The following ZNF556 variants were observed in gnomAD, a reference collection of about 807,000 sequenced individuals.
The protein encoded by ZNF556 is zinc finger protein 556.
Under a neutral mutation model 13.6 loss-of-function variants are expected in ZNF556, and 11 were observed. The ratio of observed to expected loss-of-function variants is 0.81; its 90% CI spans 0.51 to 1.33. ZNF556 has a LOEUF of 1.33. Ranked by LOEUF, ZNF556 falls within the 40% of genes most tolerant of loss-of-function variation. The pLI is 0.00. For missense variants in ZNF556, 633 were observed against 566.2 expected (o/e 1.12, Z -1.20); for synonymous variants, 229 against 207.8 (o/e 1.10, Z -0.88).
intron 1 of ZNF556, among the ~76,000 whole-genome samples, chr19:2,869,308 T>C (rs1482858797): frequency 6.6e-6 from 1 of 152,218 alleles, no homozygotes; most frequent in African/African-American, 2.4e-5. Context: ...TCCTTGATTC[T>C]TCCTGCTCTG....
At chr19:2,877,095 C>G (rs2087858341) in intron 3 of ZNF556, among the ~76,000 whole-genome samples, 178 bp from the exon 4 acceptor site, 1 of 151,880 alleles carries the variant, frequency 6.6e-6, no homozygotes. Context: ...TGACTGTAAT[C>G]CCAGCTGCTC....
rs1299714683 is a variant in ZNF556 at position 2,881,758 on chromosome 19, T to C, written c.*3429T>C. On this transcript the variant is annotated 3_prime_UTR_variant, in exon 4 of 4. Coordinates refer to ENST00000307635, the MANE Select transcript of ZNF556 (RefSeq NM_024967.3). ...ATGTCTTAAATACTATTTCTTTTTT[T>C]TTAATACTATTTCAAGAACTGCTCA... 1 of 152,034 alleles carries C rather than the reference T, an allele frequency of 6.6e-6. No individual in the cohort carries two copies. The highest frequency in any genetic ancestry group is 1.5e-5 in the Non-Finnish European group (1 of 68,020). The allele number at this position is 152,034 out of a possible 1,614,324, so 9.4% of individuals were successfully genotyped here. A position where few individuals can be genotyped will look rare whatever the true frequency, so the allele number is the denominator to read the frequency against.
In ZNF556 at chr19:2,880,268, G is replaced by A. The variant is rs1236514933; in HGVS notation, c.*1939G>A. ...ATGTATTATTAAAACAAAAGTTTCTGTTTCTGAGAAATATCTATTTACTGT... is the reference window on the plus strand; with the variant it reads ...ATGTATTATTAAAACAAAAGTTTCTATTTCTGAGAAATATCTATTTACTGT... On this transcript the variant is annotated 3_prime_UTR_variant, in exon 4 of 4. Transcript: ENST00000307635. 2 of 152,094 alleles carry A rather than the reference G, an allele frequency of 1.3e-5. No homozygotes were observed. The highest frequency in any genetic ancestry group is 2.9e-5 in the Non-Finnish European group (2 of 68,004). 9.4% of individuals were successfully genotyped at this position (152,094 alleles called of 1,614,324 possible).
rs757145307 is a variant in ZNF556, at chr19:2,877,889, G to A, written c.931G>A (p.Gly311Arg). The change falls in exon 4 of 4, where the codon GGG becomes AGG. Residue 311 changes from glycine (G) to arginine (R), a missense_variant. Transcript: ENST00000307635. ...SFQRHVRIHNGEKPYKCGKCG... is the reference protein window; with the variant it reads ...SFQRHVRIHNREKPYKCGKCG... The stretch of plus-strand genomic sequence containing the variant: ...TCAACGACACGTGAGAATTCACAAC[G>A]GGGAGAAACCCTATAAGTGTGGAAA... The A allele has an allele frequency of 1.7e-5, 28 of 1,614,054 alleles. 1 individual carries two copies. The highest frequency in any genetic ancestry group is 5.5e-5 in the South Asian group (5 of 91,086).
At chr19:2,876,977 C>T (rs1391432134) in intron 3 of ZNF556, among the ~76,000 whole-genome samples, 2 of 152,004 alleles carry the variant, frequency 1.3e-5, no homozygotes, top group African/African-American at 2.4e-5. Context: ...CTTTGAGAGG[C>T]CAAGGTAGGT....
rs756551116 is a variant in ZNF556 at position 2,873,536 on chromosome 19, T to G, written c.44T>G (p.Leu15Arg). Reference sequence around the variant, plus strand: ...GAAGACGTGGTTGTGGATTTCACGCTGGAGGAGTGGGCCTTGCTGAATCCT... The same window carrying G: ...GAAGACGTGGTTGTGGATTTCACGCGGGAGGAGTGGGCCTTGCTGAATCCT... Reference protein sequence around the residue: ...VFEDVVVDFTLEEWALLNPAQ... With the variant: ...VFEDVVVDFTREEWALLNPAQ... Residue 15 changes from leucine (L) to arginine (R), a missense_variant, in exon 2 of 4, where the codon CTG (leucine) becomes CGG (arginine). Coordinates refer to ENST00000307635, the MANE Select transcript of ZNF556 (RefSeq NM_024967.3). The G allele has an allele frequency of 2.5e-6, 4 of 1,614,226 alleles. No homozygotes were observed. The East Asian group carries it at 8.9e-5, about 36-fold the overall frequency.
chr19:2,876,074 G>T lies in ZNF556; in HGVS notation c.131-19G>T. On this transcript the variant is annotated intron_variant, in intron 2 of 3. Coordinates refer to ENST00000307635, the MANE Select transcript of ZNF556 (RefSeq NM_024967.3). ...TGCAGATGCCTTCCTCATCATATTG[G>T]TTCACTTTTTTGTTTCAGATAATGA... 3 of 1,589,654 alleles carry T rather than the reference G, an allele frequency of 1.9e-6. No individual in the cohort carries two copies. Among genetic ancestry groups the T allele is most frequent in the Non-Finnish European group, 2.6e-6 (3 of 1,173,196 alleles).
chr19:2,867,724 CA>C (rs780342260), intron 1 of ZNF556, among the ~76,000 whole-genome samples: 6,972 of 134,314 alleles, frequency 0.052, 651 homozygotes, highest in African/African-American at 0.18. Context: ...AAAAACAAAA[CA>C]AAAAAAAAAA....
chr19:2,867,542 C>A (rs2087766262), intron 1 of ZNF556, 118 bp downstream of exon 1: 1 of 1,415,832 alleles, frequency 7.1e-7, no homozygotes, highest in Middle Eastern at 2.3e-4. Context: ...CAGCCTCTGT[C>A]CCTGTGTCAC....
intron 2 of ZNF556, among the ~76,000 whole-genome samples, chr19:2,874,743 C>CAAAAAAAAAAA (rs1165214161): frequency 1.5e-5 from 1 of 65,508 alleles, no homozygotes; most frequent in African/African-American, 5.3e-5. Flanking sequence ...GACTCTGTCT[C>CAAAAAAAAAAA]AAAAAAAAAA....
At position 2,882,898 on chromosome 19, in the gene ZNF556, A is replaced by G. The variant is rs1463078461; in HGVS notation, c.*4569A>G. On this transcript the variant is annotated 3_prime_UTR_variant, in exon 4 of 4. Transcript: ENST00000307635. Reference sequence around the variant, plus strand: ...AGTTTGGACATTGGCATCTGGGACCAGGTACTTCATCTGGATTTGAACCAC... The same window carrying G: ...AGTTTGGACATTGGCATCTGGGACCGGGTACTTCATCTGGATTTGAACCAC... 6.6e-6 allele frequency: 1 copy of G among 152,216 alleles called. No homozygotes were observed. The highest frequency in any genetic ancestry group is 2.4e-5 in the African/African-American group (1 of 41,440). The allele number at this position is 152,216 out of a possible 1,614,324, so 9.4% of individuals were successfully genotyped here.
intron 2 of ZNF556, among the ~76,000 whole-genome samples, chr19:2,874,379 A>G (rs921897201): frequency 4.6e-5 from 7 of 152,152 alleles, no homozygotes; most frequent in Non-Finnish European, 7.4e-5. Context: ...CCTGGACCTA[A>G]AATTCAGTAG....
rs368319229 is a variant in ZNF556, at chr19:2,878,091, C to T, written c.1133C>T (p.Thr378Met). ...TATAAATGTGAAACGTGTGGGAAAA[C>T]GTATGGTTGGTCCTCATCTTTACAC... The part of the protein sequence containing the change: ...KVYKCETCGK[T>M]YGWSSSLHKH... The change falls in exon 4 of 4, where the codon ACG becomes ATG. Residue 378 changes from threonine to methionine, a missense_variant. Thr to Met is a moderately conservative substitution (Grantham distance 81). Coordinates refer to ENST00000307635, the MANE Select transcript of ZNF556 (RefSeq NM_024967.3). 1.9e-5 allele frequency: 30 copies of T among 1,613,962 alleles called. No homozygotes were observed. The highest frequency in any genetic ancestry group is 5.3e-5 in the African/African-American group (4 of 74,904).
At position 2,878,849 on chromosome 19, in the gene ZNF556, A is replaced by G. The variant is rs2087883769; in HGVS notation, c.*520A>G. On this transcript the variant is annotated 3_prime_UTR_variant, in exon 4 of 4. Coordinates refer to ENST00000307635, the MANE Select transcript of ZNF556 (RefSeq NM_024967.3). ...GTCCTCTCTCACCTATAGTACTGAA[A>G]TTTTGATACATAATGGTTTTTTCTT... is the stretch of plus-strand genomic sequence containing the variant. 6.5e-6 allele frequency: 1 copy of G among 152,742 alleles called. No homozygotes were observed. Among genetic ancestry groups the G allele is most frequent in the African/African-American group, 2.4e-5 (1 of 41,456 alleles). 9.5% of individuals were successfully genotyped at this position (152,742 alleles called of 1,614,324 possible).
intron 2 of ZNF556, among the ~76,000 whole-genome samples, chr19:2,875,774 CCAA>C (rs2087846043): frequency 6.6e-6 from 1 of 151,340 alleles, no homozygotes; most frequent in African/African-American, 2.4e-5. Context: ...ACCAGCCTGG[CCAA>C]TATGGTGAAA....
intron 1 of ZNF556, 78 bp downstream of exon 1, chr19:2,867,502 C>T (rs1224713309): frequency 6.4e-7 from 1 of 1,554,394 alleles, no homozygotes; most frequent in African/African-American, 1.4e-5. Context: ...CACGCTGAAA[C>T]TCCCGGGGGA....
At chr19:2,868,608 G>A (rs897326885) in intron 1 of ZNF556, among the ~76,000 whole-genome samples, 7 of 151,982 alleles carry the variant, frequency 4.6e-5, no homozygotes, top group Non-Finnish European at 8.8e-5. Context: ...GTGGAGACAG[G>A]GTTTTACCAT....
chr19:2,877,883 C>G lies in ZNF556; in HGVS notation c.925C>G (p.His309Asp), dbSNP rs752678182. 5 of 1,614,200 alleles carry G rather than the reference C, an allele frequency of 3.1e-6. No homozygotes were observed. In the South Asian group the frequency reaches 5.5e-5, roughly 18 times the overall value. ...ATCCTTTCAACGACACGTGAGAATT[C>G]ACAACGGGGAGAAACCCTATAAGTG... ...ATSFQRHVRI[H>D]NGEKPYKCGK... Residue 309 changes from histidine to aspartate, a missense_variant, in exon 4 of 4, where the codon CAC (histidine) becomes GAC (aspartate). Coordinates refer to ENST00000307635, the MANE Select transcript of ZNF556 (RefSeq NM_024967.3).
At chr19:2,873,275 C>T (rs1294651178) in intron 1 of ZNF556, among the ~76,000 whole-genome samples, 1 of 152,150 alleles carries the variant, frequency 6.6e-6, no homozygotes, top group Non-Finnish European at 1.5e-5. Flanking sequence ...ATCAAATCAT[C>T]ACCTACACCT....
Sources: allele counts gnomAD v4.1 joint callset (sites outside exome capture counted in the v4.1 genomes callset), GRCh38; gene constraint gnomAD v4.1.1; transcripts MANE v1.5; gene names NCBI Gene and HGNC (gene_info 2026-07-23, HGNC 2026-07-21).